ADAMTS6: variants seen among roughly 807,000 people sequenced by gnomAD.
ADAMTS6 encodes the protein ADAM metallopeptidase with thrombospondin type 1 motif 6, also known as A disintegrin and metalloproteinase with thrombospondin motifs 6.
Under a neutral mutation model 144.3 loss-of-function variants are expected in ADAMTS6, and 23 were observed. That is an observed-to-expected ratio of 0.16 (90% CI 0.11 to 0.23). The LOEUF (loss-of-function observed/expected upper bound fraction) is 0.23, where lower values mean the gene tolerates loss of function less well. Among genes scored for constraint, ADAMTS6 ranks in the 10% least tolerant of loss-of-function variants. The probability of loss-of-function intolerance (pLI) is 1.00; values close to 1 mark genes in which losing one functional copy is unlikely to be tolerated. For synonymous variants in ADAMTS6, 444 were observed against 457.5 expected (o/e 0.97, Z 0.38); for missense variants, 999 against 1,379.6 (o/e 0.72, Z 4.37).
At chr5:65,320,532 G>GA (rs1354874169) in intron 9 of ADAMTS6, among the ~76,000 whole-genome samples, 1 of 150,594 alleles carries the variant, frequency 6.6e-6, no homozygotes, top group East Asian at 1.9e-4. Context: ...CCAAAAAATA[G>GA]AAAAACCATT....
chr5:65,313,287 T>C lies in ADAMTS6; in HGVS notation c.1224-13156A>G, dbSNP rs372871541. On this transcript the variant is annotated intron_variant, in intron 9 of 24. Coordinates refer to ENST00000381055, the MANE Select transcript of ADAMTS6 (RefSeq NM_197941.4). ...GGCAAAAGCCTAATTATTGAAATAA[T>C]TTAATTGTTAGACTTTATTTTAATA... Among the ~76,000 whole-genome samples the C allele has an allele frequency of 4.6e-5, 7 of 152,202 alleles. No individual in the cohort carries two copies. In the East Asian group the frequency reaches 7.7e-4, roughly 17 times the overall value.
chr5:65,227,449 T>C (rs1432287689), intron 15 of ADAMTS6, among the ~76,000 whole-genome samples: 1 of 152,204 alleles, frequency 6.6e-6, no homozygotes, highest in Non-Finnish European at 1.5e-5. Context: ...AATCATGACT[T>C]AAAATATTTT....
chr5:65,398,294 T>C (rs766171846), intron 7 of ADAMTS6, among the ~76,000 whole-genome samples: 5 of 152,240 alleles, frequency 3.3e-5, no homozygotes, highest in Admixed American at 6.5e-5. Context: ...TTGCCTCCTA[T>C]ATTTTATTGA....
At chr5:65,171,971 G>T (rs1344254755) in intron 23 of ADAMTS6, among the ~76,000 whole-genome samples, 2 of 151,596 alleles carry the variant, frequency 1.3e-5, no homozygotes, top group Non-Finnish European at 2.9e-5. Context: ...ATGAAATTTG[G>T]AATCAAAGGC....
intron 10 of ADAMTS6, among the ~76,000 whole-genome samples, chr5:65,294,685 T>C (rs769339519): frequency 6.6e-6 from 1 of 152,196 alleles, no homozygotes; most frequent in Non-Finnish European, 1.5e-5. Context: ...CTCTGAGTCA[T>C]CAATTACCAT....
chr5:65,232,108 C>G (rs1268557504), intron 15 of ADAMTS6, among the ~76,000 whole-genome samples: 1 of 152,034 alleles, frequency 6.6e-6, no homozygotes, highest in African/African-American at 2.4e-5. Flanking sequence ...GAGATTCTGT[C>G]TGAAAAACAA....
At chr5:65,186,545 A>G (rs1392725993) in intron 22 of ADAMTS6, among the ~76,000 whole-genome samples, 1 of 152,164 alleles carries the variant, frequency 6.6e-6, no homozygotes, top group Non-Finnish European at 1.5e-5. Flanking sequence ...TCTCATACCA[A>G]TGAATATTTA....
At chr5:65,278,789 A>G (rs1762758642) in intron 11 of ADAMTS6, among the ~76,000 whole-genome samples, 1 of 152,162 alleles carries the variant, frequency 6.6e-6, no homozygotes, top group African/African-American at 2.4e-5. Flanking sequence ...TCTTAATTGT[A>G]TTCTCATTTT....
At position 65,291,025 on chromosome 5, in the gene ADAMTS6, C is replaced by T. The variant is rs185402469; in HGVS notation, c.1512+304G>A. Among the ~76,000 whole-genome samples the T allele has an allele frequency of 7.2e-5, 11 of 152,140 alleles. No homozygotes were observed. The East Asian group carries it at 1.4e-3, about 19-fold the overall frequency. On this transcript the variant is annotated intron_variant, in intron 11 of 24. Coordinates refer to ENST00000381055, the MANE Select transcript of ADAMTS6 (RefSeq NM_197941.4). ...TGGCAGAGGGATTTTAAAGCCATAA[C>T]ATTTCAAAAGACGAAATAAAGTTGG...
intron 2 of ADAMTS6, among the ~76,000 whole-genome samples, chr5:65,472,368 G>A (rs538565187): frequency 1.3e-5 from 2 of 152,122 alleles, no homozygotes; most frequent in South Asian, 2.1e-4. Flanking sequence ...TTATGTTGGC[G>A]ATGACACTAG....
chr5:65,236,721 G>A lies in ADAMTS6; in HGVS notation c.1933+5383C>T, dbSNP rs574874406. On this transcript the variant is annotated intron_variant, in intron 15 of 24. Coordinates refer to ENST00000381055, the MANE Select transcript of ADAMTS6 (RefSeq NM_197941.4). ...AAGAACTCACAATGTAAATAAAATA[G>A]TTTGAACTAAAAGCTATAAAATATA... Among the ~76,000 whole-genome samples, 5 of 152,168 alleles carry A rather than the reference G, an allele frequency of 3.3e-5. No homozygotes were observed. In the South Asian group the frequency reaches 1.0e-3, roughly 32 times the overall value.
intron 7 of ADAMTS6, among the ~76,000 whole-genome samples, chr5:65,442,020 A>G (rs1221713535): frequency 6.6e-6 from 1 of 151,632 alleles, no homozygotes; most frequent in Non-Finnish European, 1.5e-5. Flanking sequence ...TTCCGCCATA[A>G]GGAACCACAA....
intron 7 of ADAMTS6, among the ~76,000 whole-genome samples, chr5:65,434,641 A>G (rs1031665023): frequency 7.2e-5 from 11 of 152,192 alleles, no homozygotes; most frequent in Non-Finnish European, 1.6e-4. Context: ...CTTATTGTTT[A>G]CTAGTAAAAT....
chr5:65,209,541 A>G (rs1756351141), intron 20 of ADAMTS6, among the ~76,000 whole-genome samples: 2 of 152,204 alleles, frequency 1.3e-5, no homozygotes, highest in African/African-American at 4.8e-5. Context: ...TGAATCACCA[A>G]TGTTTCCTGT....
At chr5:65,387,980 G>A (rs982988241) in intron 7 of ADAMTS6, among the ~76,000 whole-genome samples, 1 of 152,114 alleles carries the variant, frequency 6.6e-6, no homozygotes, top group Non-Finnish European at 1.5e-5. Flanking sequence ...GGAGGCCAAG[G>A]CGGGCCTATC....
chr5:65,197,952 T>G (rs1755492242), intron 20 of ADAMTS6, among the ~76,000 whole-genome samples: 1 of 152,182 alleles, frequency 6.6e-6, no homozygotes, highest in Non-Finnish European at 1.5e-5. Context: ...TTGCTCACAT[T>G]TCACAAAATA....
In ADAMTS6 at chr5:65,192,570, T is replaced by C. The variant is rs187043019; in HGVS notation, c.2706-4350A>G. ...TGGTAAAAACTTAACTCAGCCTTTC[T>C]CTTTGGATTCCAACTTATTTTTTTT... On this transcript the variant is annotated intron_variant, in intron 21 of 24. Transcript: ENST00000381055. Among the ~76,000 whole-genome samples the C allele has an allele frequency of 1.8e-3, 273 of 152,006 alleles. 2 individuals are homozygous for C. The highest frequency in any genetic ancestry group is 6.4e-3 in the African/African-American group (267 of 41,532).
At chr5:65,392,749 G>A (rs950946116) in intron 7 of ADAMTS6, among the ~76,000 whole-genome samples, 6 of 151,836 alleles carry the variant, frequency 4.0e-5, no homozygotes, top group Admixed American at 1.3e-4. Flanking sequence ...CTAACACTTT[G>A]GAAAAACCAA....
chr5:65,376,409 C>T (rs1233413964), intron 7 of ADAMTS6, among the ~76,000 whole-genome samples: 1 of 151,478 alleles, frequency 6.6e-6, no homozygotes, highest in Non-Finnish European at 1.5e-5. Context: ...CAAAATTGCG[C>T]CACTGCAGTC....
Sources: gnomAD v4.1 joint callset for allele counts (sites outside exome capture counted in the v4.1 genomes callset) on GRCh38, gnomAD v4.1.1 for gene constraint, MANE v1.5 for transcripts, NCBI Gene and HGNC (gene_info 2026-07-23, HGNC 2026-07-21) for gene names.